INTS10: variants seen among roughly 807,000 people sequenced by gnomAD.
INTS10 encodes integrator complex subunit 10, also known as chromosome 8 open reading frame 35.
Under a neutral mutation model 94.4 loss-of-function variants are expected in INTS10, and 44 were observed. The observed-to-expected ratio is 0.47, with a 90% confidence interval of 0.37 to 0.60. The LOEUF (loss-of-function observed/expected upper bound fraction) is 0.60. INTS10 is among the 20% of genes least tolerant of loss of function. The probability of loss-of-function intolerance (pLI) is 0.00; values close to 1 mark genes in which losing one functional copy is unlikely to be tolerated. For synonymous variants in INTS10, 341 were observed against 320.7 expected (o/e 1.06, Z -0.68); for missense variants, 797 against 868.7 (o/e 0.92, Z 1.04).
intron 9 of INTS10, among the ~76,000 whole-genome samples, chr8:19,827,175 TCCTCTAA>T (rs2066865641): frequency 1.3e-5 from 2 of 152,142 alleles, no homozygotes; most frequent in Admixed American, 6.5e-5. Flanking sequence ...GAATCGTCAG[TCCTCTAA>T]CCTGACCAGG....
chr8:19,848,110 G>A (rs868019195), intron 16 of INTS10, among the ~76,000 whole-genome samples: 1 of 152,230 alleles, frequency 6.6e-6, no homozygotes, highest in Non-Finnish European at 1.5e-5. Flanking sequence ...GCTTAAGCCA[G>A]AGAGCTCTTC....
intron 12 of INTS10, among the ~76,000 whole-genome samples, chr8:19,834,256 C>T (rs1398861438): frequency 6.6e-6 from 1 of 152,086 alleles, no homozygotes; most frequent in Admixed American, 6.6e-5. Context: ...CTTCTCAGCC[C>T]TCTATATGTT....
Position 19,833,163 on chromosome 8 carries a change from T to C in INTS10, c.1378-6T>C. The C allele has an allele frequency of 1.3e-6, 2 of 1,570,090 alleles. No individual in the cohort carries two copies. Among genetic ancestry groups the C allele is most frequent in the Non-Finnish European group, 8.6e-7 (1 of 1,161,250 alleles). ...TTTCCCCTCCTTGCTATTCTATCTT[T>C]CTTAGGGTCAATATAAAAAGGCGAT... On this transcript the variant is annotated splice_region_variant and splice_polypyrimidine_tract_variant and intron_variant, in intron 11 of 16. Transcript: ENST00000397977.
At chr8:19,830,656 A>T in intron 10 of INTS10, 97 bp downstream of exon 10, 1 of 1,140,104 alleles carries the variant, frequency 8.8e-7, no homozygotes, top group South Asian at 1.5e-5. Flanking sequence ...TAAGTTGATT[A>T]CAGTAGTTCA....
intron 13 of INTS10, among the ~76,000 whole-genome samples, chr8:19,840,911 T>G (rs1590038870): frequency 1.3e-5 from 2 of 152,344 alleles, no homozygotes; most frequent in South Asian, 4.1e-4. Flanking sequence ...GGTAATGACA[T>G]GTTCAACTTG....
chr8:19,842,701 T>C, intron 13 of INTS10, 147 bp from the exon 14 acceptor site: 2 of 569,730 alleles, frequency 3.5e-6, no homozygotes, highest in Admixed American at 3.2e-5. Context: ...CAAAGTATAA[T>C]TGTGTTTCAA....
chr8:19,833,240 G>C lies in INTS10; in HGVS notation c.1449G>C (p.Gln483His). The change falls in exon 12 of 17, where the codon CAG becomes CAC. Residue 483 changes from glutamine (Q) to histidine (H), a missense_variant. Around this residue, in one of 3 missense-constraint regions of INTS10, gnomAD observed 734 missense variants for 787.8 expected, o/e 0.93. Coordinates refer to ENST00000397977, the MANE Select transcript of INTS10 (RefSeq NM_018142.4). The stretch of plus-strand genomic sequence containing the variant: ...TCCAGGGATCCATTTCTCAGCCACA[G>C]ATCACAGGGCAGGGGACCCTGGAGC... ...AALQGSISQP[Q>H]ITGQGTLEHQ... is the part of the protein sequence containing the mutation. 6.2e-7 allele frequency: 1 copy of C among 1,613,112 alleles called. No homozygotes were observed. The highest frequency in any genetic ancestry group is 8.5e-7 in the Non-Finnish European group (1 of 1,179,526).
chr8:19,834,652 A>G (rs889689025), intron 12 of INTS10, among the ~76,000 whole-genome samples: 3 of 152,146 alleles, frequency 2.0e-5, no homozygotes, highest in Admixed American at 6.5e-5. Context: ...GTACATCACT[A>G]TTAGGCCTAT....
Position 19,849,768 on chromosome 8 carries a change from C to T in INTS10, c.1977-1881C>T, listed in dbSNP as rs2068871071. 6.6e-6 allele frequency among the ~76,000 whole-genome samples: 1 copy of T among 152,122 alleles called. No individual in the cohort carries two copies. Among genetic ancestry groups the T allele is most frequent in the African/African-American group, 2.4e-5 (1 of 41,408 alleles). On this transcript the variant is annotated intron_variant, in intron 16 of 16. Coordinates refer to ENST00000397977, the MANE Select transcript of INTS10 (RefSeq NM_018142.4). This position sits in a 1 kb window ranked among gnomAD's most constrained non-coding sequence, Gnocchi z 4.6. Reference sequence around the variant, plus strand: ...AAATATTTGATAGGCTAAAATGCCACATTTATTAGCTGGTTTATCCTGTTC... The same window carrying T: ...AAATATTTGATAGGCTAAAATGCCATATTTATTAGCTGGTTTATCCTGTTC...
At chr8:19,834,361 A>C (rs1300939617) in intron 12 of INTS10, among the ~76,000 whole-genome samples, 5 of 152,252 alleles carry the variant, frequency 3.3e-5, no homozygotes, top group Non-Finnish European at 7.3e-5. Flanking sequence ...AGAAAGGAAC[A>C]ATTGGAGAAT....
At position 19,832,122 on chromosome 8, in the gene INTS10, T is replaced by C. The variant is rs4434638; in HGVS notation, c.1377+12T>C. On this transcript the variant is annotated intron_variant, in intron 11 of 16. Transcript: ENST00000397977. ...TGATCATCTATCAGGTAGAGTATTATACATATTTTAGGTACCTGTGTCTGT... is the reference window on the plus strand; with the variant it reads ...TGATCATCTATCAGGTAGAGTATTACACATATTTTAGGTACCTGTGTCTGT... 0.88 allele frequency: 1,264,921 copies of C among 1,436,040 alleles called. 557,916 individuals carry two copies. Among genetic ancestry groups the C allele is most frequent in the African/African-American group, 0.93 (66,249 of 71,436 alleles). The allele number at this position is 1,436,040 out of a possible 1,614,324, so 89.0% of individuals were successfully genotyped here. A position where few individuals can be genotyped will look rare whatever the true frequency, so the allele number is the denominator to read the frequency against.
At chr8:19,845,499 G>A in intron 15 of INTS10, 1 of 573,938 alleles carries the variant, frequency 1.7e-6, no homozygotes. Context: ...GACAGATCTG[G>A]GTTCAAATAT....
Position 19,831,951 on chromosome 8 carries a change from CT to C in INTS10, c.1295-75del. 3.5e-6 allele frequency: 3 copies of C among 853,112 alleles called. No homozygotes were observed. The South Asian group carries it at 4.0e-5, about 11-fold the overall frequency. 52.8% of individuals were successfully genotyped at this position (853,112 alleles called of 1,614,324 possible). ...TTTTGGTAGGTTGTCTCTCTTCTCTCTTACTGGATTTGTTAGTTTGTTTTCT... is the reference window on the plus strand; with the variant it reads ...TTTTGGTAGGTTGTCTCTCTTCTCTCTACTGGATTTGTTAGTTTGTTTTCT... On this transcript the variant is annotated intron_variant, in intron 10 of 16. Coordinates refer to ENST00000397977, the MANE Select transcript of INTS10 (RefSeq NM_018142.4).
chr8:19,851,313 G>T lies in INTS10; in HGVS notation c.1977-336G>T, dbSNP rs995209726. Among the ~76,000 whole-genome samples the T allele has an allele frequency of 3.9e-5, 6 of 152,134 alleles. No individual in the cohort carries two copies. The highest frequency in any genetic ancestry group is 5.9e-5 in the Non-Finnish European group (4 of 68,022). ...TAGCCAGTGTGGACTGGACCCATTT[G>T]GCCCTAAGTAACTGAATTGTGTACC... On this transcript the variant is annotated intron_variant, in intron 16 of 16. Transcript: ENST00000397977. The surrounding 1 kb of genome is among the most constrained non-coding windows in gnomAD (Gnocchi z 5.0).
intron 13 of INTS10, among the ~76,000 whole-genome samples, chr8:19,838,297 A>C (rs1472591827): frequency 2.6e-5 from 4 of 151,774 alleles, no homozygotes; most frequent in Non-Finnish European, 5.9e-5. Flanking sequence ...CAGAGGTTGC[A>C]GTGAGCCGAG....
chr8:19,823,861 C>T lies in INTS10; in HGVS notation c.665-12C>T. 1 of 1,564,170 alleles carries T rather than the reference C, an allele frequency of 6.4e-7. No individual in the cohort carries two copies. The highest frequency in any genetic ancestry group is 2.1e-5 in the Admixed American group (1 of 47,334). On this transcript the variant is annotated splice_polypyrimidine_tract_variant and intron_variant, in intron 6 of 16. Transcript: ENST00000397977. ...AATGTTAATTGTAGGCTACTTTTTTCTTACATCTCAGGCGCCCAGGATACA... is the reference window on the plus strand; with the variant it reads ...AATGTTAATTGTAGGCTACTTTTTTTTTACATCTCAGGCGCCCAGGATACA...
At chr8:19,817,978 C>G (rs1015888852) in intron 1 of INTS10, among the ~76,000 whole-genome samples, 3 of 152,158 alleles carry the variant, frequency 2.0e-5, no homozygotes, top group African/African-American at 7.2e-5. Context: ...AGCACATGAT[C>G]GCCACTAGCA....
intron 6 of INTS10, 138 bp from the exon 7 acceptor site, chr8:19,823,735 G>A (rs563522919): frequency 5.9e-5 from 44 of 740,982 alleles, no homozygotes; most frequent in East Asian, 1.1e-4. Context: ...GCCTCTTGTC[G>A]GTCCTTGAGC....
At chr8:19,830,367 A>G in intron 9 of INTS10, 39 bp from the exon 10 acceptor site, 2 of 1,574,976 alleles carry the variant, frequency 1.3e-6, no homozygotes, top group Non-Finnish European at 1.7e-6. Context: ...GACTATATTT[A>G]TAACTGAATT....
Sources: gnomAD v4.1 joint callset for allele counts (sites outside exome capture counted in the v4.1 genomes callset) on GRCh38, gnomAD v4.1.1 for gene constraint, gnomAD v4.1.1 regional missense constraint, Gnocchi (gnomAD v3.1) non-coding constraint, MANE v1.5 for transcripts, NCBI Gene and HGNC (gene_info 2026-07-23, HGNC 2026-07-21) for gene names.